NR3C2: variants seen among roughly 807,000 people sequenced by gnomAD.
NR3C2 encodes mineralocorticoid receptor.
A neutral mutation model predicts 86.4 loss-of-function variants in NR3C2; 15 were observed. The observed-to-expected ratio is 0.17, with a 90% CI of 0.12 to 0.27. The LOEUF is 0.27. Among genes scored for constraint, NR3C2 ranks in the 10% least tolerant of loss-of-function variants. NR3C2 has a pLI of 1.00. For synonymous variants in NR3C2, 458 were observed against 450.5 expected, an observed-to-expected ratio of 1.02 and a Z score of -0.21; for missense variants, 960 against 1,195.6, an observed-to-expected ratio of 0.80 and a Z score of 2.91.
At chr4:148,285,580 G>T (rs57042596) in intron 2 of NR3C2, among the ~76,000 whole-genome samples, 3 of 151,978 alleles carry the variant, frequency 2.0e-5, no homozygotes, top group African/African-American at 7.3e-5. Context: ...GGTGACGTGC[G>T]CCTGTAGTCC....
At chr4:148,228,885 C>T (rs1027197388) in intron 3 of NR3C2, among the ~76,000 whole-genome samples, 7 of 152,014 alleles carry the variant, frequency 4.6e-5, no homozygotes, top group African/African-American at 2.4e-5. Context: ...GCCAGACTGC[C>T]GGCAGGAAAG....
intron 3 of NR3C2, among the ~76,000 whole-genome samples, chr4:148,257,467 T>C (rs896755341): frequency 6.6e-6 from 1 of 152,082 alleles, no homozygotes; most frequent in Non-Finnish European, 1.5e-5. Context: ...TTAGGTTAGG[T>C]GTAGGTTTGG....
intron 2 of NR3C2, among the ~76,000 whole-genome samples, chr4:148,279,294 G>T (rs1207665913): frequency 3.9e-5 from 6 of 152,204 alleles, no homozygotes; most frequent in African/African-American, 1.4e-4. Flanking sequence ...CTAACATGTG[G>T]AGGAAAAATT....
intron 2 of NR3C2, among the ~76,000 whole-genome samples, chr4:148,355,033 A>G (rs1352115212): frequency 6.6e-6 from 1 of 152,214 alleles, no homozygotes; most frequent in East Asian, 1.9e-4. Flanking sequence ...TAAAGGGAGG[A>G]CAATAACAGT....
intron 2 of NR3C2, among the ~76,000 whole-genome samples, chr4:148,308,859 T>C (rs754415133): frequency 6.6e-6 from 1 of 152,108 alleles, no homozygotes; most frequent in Non-Finnish European, 1.5e-5. Context: ...GGCACATGCC[T>C]GTGGTCCCAG....
At chr4:148,168,937 T>C (rs6535584) in intron 4 of NR3C2, among the ~76,000 whole-genome samples, 91,422 of 147,272 alleles carry the variant, frequency 0.62, 27,774 homozygotes, top group African/African-American at 0.72. Context: ...AAGTACCCAA[T>C]AATTACCATG....
chr4:148,147,113 G>T (rs1211302582), intron 6 of NR3C2, among the ~76,000 whole-genome samples: 1 of 152,140 alleles, frequency 6.6e-6, no homozygotes, highest in Non-Finnish European at 1.5e-5. Flanking sequence ...TTTATAATAA[G>T]AAAAGTTCTA....
At chr4:148,176,055 G>T (rs1487973062) in intron 4 of NR3C2, among the ~76,000 whole-genome samples, 1 of 152,186 alleles carries the variant, frequency 6.6e-6, no homozygotes, top group African/African-American at 2.4e-5. Context: ...CTGACCATCA[G>T]ATGCAAAGAG....
intron 3 of NR3C2, among the ~76,000 whole-genome samples, chr4:148,255,136 AGT>A (rs1739769830): frequency 6.6e-6 from 1 of 151,962 alleles, no homozygotes. Flanking sequence ...CTTGCTCATG[AGT>A]GTGTGCACAC....
At chr4:148,361,998 C>A (rs1406395140) in intron 2 of NR3C2, among the ~76,000 whole-genome samples, 4 of 152,116 alleles carry the variant, frequency 2.6e-5, no homozygotes. Flanking sequence ...CCACCATGCC[C>A]AGCTAACTTT....
chr4:148,234,328 T>C (rs1433114542), intron 3 of NR3C2, among the ~76,000 whole-genome samples: 1 of 152,108 alleles, frequency 6.6e-6, no homozygotes, highest in Non-Finnish European at 1.5e-5. Flanking sequence ...CACAGAGTGA[T>C]TGCCCAACAT....
chr4:148,119,199 T>C (rs1404225672), intron 7 of NR3C2, among the ~76,000 whole-genome samples: 1 of 152,178 alleles, frequency 6.6e-6, no homozygotes, highest in African/African-American at 2.4e-5. Flanking sequence ...CATAACTTGA[T>C]GCACCTTTAA....
At chr4:148,195,264 G>T (rs1190134311) in intron 3 of NR3C2, among the ~76,000 whole-genome samples, 2 of 152,152 alleles carry the variant, frequency 1.3e-5, no homozygotes, top group African/African-American at 2.4e-5. Flanking sequence ...ACTTCACTGG[G>T]ATTTCATAGT....
intron 3 of NR3C2, among the ~76,000 whole-genome samples, chr4:148,248,387 C>G (rs1739417933): frequency 6.6e-6 from 1 of 152,154 alleles, no homozygotes; most frequent in Non-Finnish European, 1.5e-5. Context: ...TGAAAAATGA[C>G]CAACCTAGAC....
chr4:148,281,570 G>GA (rs1741243204), intron 2 of NR3C2, among the ~76,000 whole-genome samples: 1 of 152,190 alleles, frequency 6.6e-6, no homozygotes, highest in South Asian at 2.1e-4. Flanking sequence ...TGTTTCCTAA[G>GA]ATATACCCTG....
intron 4 of NR3C2, among the ~76,000 whole-genome samples, chr4:148,161,552 A>G (rs967374222): frequency 7.2e-5 from 11 of 152,074 alleles, no homozygotes; most frequent in African/African-American, 2.2e-4. Flanking sequence ...GCGGGGTTTT[A>G]CCATGTTTGG....
intron 8 of NR3C2, among the ~76,000 whole-genome samples, chr4:148,081,794 C>G (rs535743103): frequency 3.7e-4 from 56 of 152,320 alleles, no homozygotes; most frequent in African/African-American, 1.3e-3. Flanking sequence ...GACTGGGTCA[C>G]TGAACTGCAC....
At chr4:148,439,829 C>T (rs929186487) in intron 1 of NR3C2, among the ~76,000 whole-genome samples, 1 of 152,186 alleles carries the variant, frequency 6.6e-6, no homozygotes, top group Non-Finnish European at 1.5e-5. Flanking sequence ...TGTGAGGCTA[C>T]GGAAGACCTG....
intron 8 of NR3C2, among the ~76,000 whole-genome samples, chr4:148,106,327 A>T (rs1054737552): frequency 1.3e-5 from 2 of 152,220 alleles, no homozygotes; most frequent in African/African-American, 4.8e-5. Flanking sequence ...GACATCTTCA[A>T]GGAGAACTAC....
Sources: allele counts gnomAD v4.1 joint callset (sites outside exome capture counted in the v4.1 genomes callset), GRCh38; gene constraint gnomAD v4.1.1; transcripts MANE v1.5; gene names NCBI Gene and HGNC (gene_info 2026-07-23, HGNC 2026-07-21).